CHST11: variants seen among roughly 807,000 people sequenced by gnomAD.
CHST11 encodes the protein carbohydrate sulfotransferase 11.
In CHST11, 9 loss-of-function variants were observed where a neutral mutation model predicts 30.4. That is an observed-to-expected ratio of 0.30 (90% CI 0.18 to 0.52). The LOEUF is 0.52. Ranked by LOEUF, CHST11 falls within the 20% of genes least tolerant of loss-of-function variation. The pLI is 0.97. For synonymous variants in CHST11, 152 were observed against 187.8 expected (o/e 0.81, Z 1.56); for missense variants, 348 against 460.6 (o/e 0.76, Z 2.24).
intron 2 of CHST11, among the ~76,000 whole-genome samples, chr12:104,658,715 C>T (rs904045585): frequency 2.6e-4 from 39 of 152,216 alleles, no homozygotes; most frequent in African/African-American, 8.9e-4. Flanking sequence ...ATAACCCCCG[C>T]ATCTGTACCC....
chr12:104,614,125 A>C (rs1185410533), intron 2 of CHST11, among the ~76,000 whole-genome samples: 6 of 152,204 alleles, frequency 3.9e-5, no homozygotes, highest in African/African-American at 1.4e-4. Flanking sequence ...TTCACTATCT[A>C]TCTCTCTATC....
intron 1 of CHST11, among the ~76,000 whole-genome samples, chr12:104,582,032 C>T (rs907403857): frequency 2.0e-5 from 3 of 152,154 alleles, no homozygotes; most frequent in South Asian, 4.1e-4. Flanking sequence ...TCGTCAGCAT[C>T]ATCATTCTAT....
chr12:104,713,986 T>C (rs2040108986), intron 2 of CHST11, among the ~76,000 whole-genome samples: 1 of 152,176 alleles, frequency 6.6e-6, no homozygotes, highest in African/African-American at 2.4e-5. Flanking sequence ...TTGAGCAGCC[T>C]CCCTGCCACC....
rs147323284 is a variant in CHST11, at chr12:104,720,056, TG to T, written c.205-36892del. Among the ~76,000 whole-genome samples the T allele has an allele frequency of 5.0e-3, 758 of 152,354 alleles. 5 individuals are homozygous for T. Among genetic ancestry groups the T allele is most frequent in the African/African-American group, 0.017 (713 of 41,584 alleles). ...TTAGATCCAAAGCTATGGAGGGGCT[TG>T]TAAACATGTTGCTTTTTGTAAATTG... On this transcript the variant is annotated intron_variant, in intron 2 of 2. Coordinates refer to ENST00000303694, the MANE Select transcript of CHST11 (RefSeq NM_018413.6).
rs998020351 is a variant in CHST11 at position 104,476,364 on chromosome 12, G to A, written c.118+18835G>A. On this transcript the variant is annotated intron_variant, in intron 1 of 2. Coordinates refer to ENST00000303694, the MANE Select transcript of CHST11 (RefSeq NM_018413.6). ...CATATATGTAAGATATGTAATATAT[G>A]TGTGTATATATATTTACAAAGATGA... 2.0e-5 allele frequency among the ~76,000 whole-genome samples: 3 copies of A among 151,498 alleles called. No homozygotes were observed. In the East Asian group the frequency reaches 5.8e-4, roughly 29 times the overall value.
At chr12:104,499,518 G>T (rs981918766) in intron 1 of CHST11, among the ~76,000 whole-genome samples, 1 of 152,086 alleles carries the variant, frequency 6.6e-6, no homozygotes, top group African/African-American at 2.4e-5. Context: ...CTATAACCTT[G>T]GCCTCAGCAA....
chr12:104,574,759 A>G (rs564470440), intron 1 of CHST11, among the ~76,000 whole-genome samples: 1 of 152,202 alleles, frequency 6.6e-6, no homozygotes. Context: ...CCTAATGTAA[A>G]TGACGAGTTA....
intron 2 of CHST11, among the ~76,000 whole-genome samples, chr12:104,618,028 C>A (rs113668521): frequency 0.011 from 1,657 of 151,822 alleles, 28 homozygotes; most frequent in Non-Finnish European, 0.011. Context: ...CCTGCCTCAG[C>A]CTCCCGAGTA....
intron 2 of CHST11, among the ~76,000 whole-genome samples, chr12:104,732,932 G>A (rs780773018): frequency 4.6e-5 from 7 of 152,244 alleles, no homozygotes; most frequent in Non-Finnish European, 1.0e-4. Context: ...TTCCTTACAT[G>A]TAGTTCACAA....
chr12:104,675,194 GA>G (rs901833604), intron 2 of CHST11, among the ~76,000 whole-genome samples: 8 of 152,292 alleles, frequency 5.3e-5, no homozygotes, highest in Admixed American at 2.6e-4. Flanking sequence ...TTTTAAAATT[GA>G]ACCAGAAGTA....
chr12:104,459,360 A>C (rs148542125), intron 1 of CHST11, among the ~76,000 whole-genome samples: 3,536 of 152,190 alleles, frequency 0.023, 56 homozygotes, highest in South Asian at 0.049. Flanking sequence ...ACTCGGGTTC[A>C]AACAGTTTAA....
intron 1 of CHST11, among the ~76,000 whole-genome samples, chr12:104,499,047 G>C (rs993186070): frequency 3.9e-5 from 6 of 152,056 alleles, no homozygotes; most frequent in Admixed American, 2.0e-4. Flanking sequence ...TTCCTCCCAT[G>C]GCTGGTTTAA....
rs532291983 is a variant in CHST11, at chr12:104,729,814, G to A, written c.205-27135G>A. Among the ~76,000 whole-genome samples the A allele has an allele frequency of 3.0e-4, 46 of 152,288 alleles. No individual in the cohort carries two copies. The highest frequency in any genetic ancestry group is 3.4e-3 in the Middle Eastern group (1 of 294). On this transcript the variant is annotated intron_variant, in intron 2 of 2. Coordinates refer to ENST00000303694, the MANE Select transcript of CHST11 (RefSeq NM_018413.6). This position sits in a 1 kb window ranked among gnomAD's most constrained non-coding sequence, Gnocchi z 4.0. ...TAGGTTGGGTTTAGAAAAATGAAGA[G>A]GAGGAGCAGCACAGGCCATCTGGAT... is the stretch of plus-strand genomic sequence containing the variant.
At chr12:104,491,128 G>T (rs1167371515) in intron 1 of CHST11, among the ~76,000 whole-genome samples, 1 of 151,978 alleles carries the variant, frequency 6.6e-6, no homozygotes, top group African/African-American at 2.4e-5. Context: ...CACATTCAGA[G>T]AAGATTCTAG....
chr12:104,696,947 C>G (rs1247073574), intron 2 of CHST11, among the ~76,000 whole-genome samples: 2 of 152,168 alleles, frequency 1.3e-5, no homozygotes, highest in African/African-American at 4.8e-5. Context: ...CCTGTGGATC[C>G]CTCAGTCTGT....
chr12:104,696,549 C>G (rs1592844381), intron 2 of CHST11, among the ~76,000 whole-genome samples: 4 of 150,662 alleles, frequency 2.7e-5, no homozygotes, highest in Admixed American at 2.0e-4. Context: ...ACCTGTACTC[C>G]CAGCTACATG....
At chr12:104,677,148 T>C (rs1019926208) in intron 2 of CHST11, among the ~76,000 whole-genome samples, 2 of 152,208 alleles carry the variant, frequency 1.3e-5, no homozygotes, top group East Asian at 1.9e-4. Flanking sequence ...TGGTCCTAAT[T>C]GGCTCTCAAA....
chr12:104,656,216 CAGA>C (rs2039542444), intron 2 of CHST11, among the ~76,000 whole-genome samples: 1 of 152,204 alleles, frequency 6.6e-6, no homozygotes, highest in South Asian at 2.1e-4. Context: ...GAGGGAAGAC[CAGA>C]TGCTGGGTAG....
At chr12:104,553,639 C>T (rs940633849) in intron 1 of CHST11, among the ~76,000 whole-genome samples, 1 of 151,400 alleles carries the variant, frequency 6.6e-6, no homozygotes, top group East Asian at 1.9e-4. Context: ...CTTAAACCAT[C>T]AGATCTTGAG....
Sources: allele counts gnomAD v4.1 joint callset (sites outside exome capture counted in the v4.1 genomes callset), GRCh38; gene constraint gnomAD v4.1.1; non-coding constraint Gnocchi (gnomAD v3.1); transcripts MANE v1.5; gene names NCBI Gene and HGNC (gene_info 2026-07-23, HGNC 2026-07-21).